DCDC2: variants seen among roughly 807,000 people sequenced by gnomAD.
The protein encoded by DCDC2 is doublecortin domain containing 2, also known as doublecortin domain-containing protein 2.
A neutral mutation model predicts 50.2 loss-of-function variants in DCDC2; 40 were observed. That is an observed-to-expected ratio of 0.80 (90% CI 0.62 to 1.04). DCDC2 has a LOEUF of 1.04. Ranked by LOEUF, DCDC2 falls within the 50% of genes least tolerant of loss-of-function variation. The pLI, the probability that DCDC2 is intolerant of heterozygous loss-of-function variation, is 0.00. For synonymous variants in DCDC2, 234 were observed against 210.6 expected (o/e 1.11, Z -0.96); for missense variants, 570 against 581.9 (o/e 0.98, Z 0.21).
At chr6:24,270,046 T>G (rs1763206012) in intron 7 of DCDC2, among the ~76,000 whole-genome samples, 1 of 152,034 alleles carries the variant, frequency 6.6e-6, no homozygotes, top group South Asian at 2.1e-4. Flanking sequence ...CCAGCTAAGC[T>G]TCAGGGTCTG....
At chr6:24,188,678 T>C (rs1485981120) in intron 8 of DCDC2, among the ~76,000 whole-genome samples, 1 of 152,174 alleles carries the variant, frequency 6.6e-6, no homozygotes, top group African/African-American at 2.4e-5. Flanking sequence ...AAGGAGTACA[T>C]ACATCTTGAA....
At chr6:24,229,094 T>C (rs1299012812) in intron 7 of DCDC2, among the ~76,000 whole-genome samples, 2 of 152,234 alleles carry the variant, frequency 1.3e-5, no homozygotes, top group African/African-American at 2.4e-5. Context: ...GCTACTGTTA[T>C]AAGTTACCAC....
intron 8 of DCDC2, among the ~76,000 whole-genome samples, chr6:24,196,354 C>T (rs1761439544): frequency 6.6e-6 from 1 of 152,070 alleles, no homozygotes; most frequent in African/African-American, 2.4e-5. Flanking sequence ...CTCATGAGCT[C>T]ACTTCCTTTG....
At chr6:24,288,659 T>C (rs1763670618) in intron 6 of DCDC2, among the ~76,000 whole-genome samples, 193 bp downstream of exon 6, 1 of 152,166 alleles carries the variant, frequency 6.6e-6, no homozygotes, top group Non-Finnish European at 1.5e-5. Context: ...TTAAAATACA[T>C]ATTCTAAAAA....
intron 7 of DCDC2, among the ~76,000 whole-genome samples, chr6:24,238,968 T>C (rs1762509768): frequency 6.6e-6 from 1 of 152,212 alleles, no homozygotes; most frequent in Non-Finnish European, 1.5e-5. Context: ...AAAAGCTTTG[T>C]TGTACAATTC....
At chr6:24,374,696 C>T in the DCDC2 span, among the ~76,000 whole-genome samples, 1 of 151,636 alleles carries the variant, frequency 6.6e-6, no homozygotes, top group South Asian at 2.1e-4. Context: ...TAAAAGCAGT[C>T]CTAGTGAGAG....
intron 7 of DCDC2, among the ~76,000 whole-genome samples, chr6:24,231,484 A>G (rs1762335137): frequency 6.6e-6 from 1 of 152,178 alleles, no homozygotes; most frequent in Non-Finnish European, 1.5e-5. Context: ...TTTTAAAAGG[A>G]TATACACCTG....
upstream of DCDC2, among the ~76,000 whole-genome samples, chr6:24,359,272 TTTA>T (rs1324696899): frequency 2.6e-5 from 1 of 38,332 alleles, no homozygotes; most frequent in Non-Finnish European, 4.0e-5. Flanking sequence ...TATTTTATAT[TTTA>T]TATATATTAT....
intron 8 of DCDC2, among the ~76,000 whole-genome samples, chr6:24,200,697 AG>A (rs779074422): frequency 2.0e-5 from 3 of 152,158 alleles, no homozygotes; most frequent in Non-Finnish European, 4.4e-5. Flanking sequence ...TAAAAGACAC[AG>A]ACTGCCAATT....
chr6:24,242,368 A>G (rs1450207974), intron 7 of DCDC2, among the ~76,000 whole-genome samples: 1 of 151,408 alleles, frequency 6.6e-6, no homozygotes, highest in African/African-American at 2.4e-5. Context: ...CCAGCCCTCC[A>G]CTCACCACGC....
upstream of DCDC2, among the ~76,000 whole-genome samples, chr6:24,359,488 AATATATTATATATATT>A (rs1315890957): frequency 3.4e-4 from 27 of 79,144 alleles, no homozygotes; most frequent in Non-Finnish European, 4.0e-4. Context: ...TTTTATATAT[AATATATTATATATATT>A]TTATATATTA....
chr6:24,173,397 C>T lies in DCDC2; in HGVS notation c.*1333G>A, dbSNP rs1760830365. On this transcript the variant is annotated 3_prime_UTR_variant, in exon 10 of 10. Coordinates refer to ENST00000378454, the MANE Select transcript of DCDC2 (RefSeq NM_016356.5). ...TGTAATTGTGAATTTTAGAAAAGCA[C>T]TAGAAGTTAAAATTTCAAGCTTACA... 6.6e-6 allele frequency: 1 copy of T among 151,920 alleles called. No individual in the cohort carries two copies. Among genetic ancestry groups the T allele is most frequent in the African/African-American group, 2.4e-5 (1 of 41,366 alleles). 9.4% of individuals were successfully genotyped at this position (151,920 alleles called of 1,614,324 possible).
At chr6:24,286,268 G>C (rs952820142) in intron 6 of DCDC2, among the ~76,000 whole-genome samples, 1 of 152,100 alleles carries the variant, frequency 6.6e-6, no homozygotes, top group Non-Finnish European at 1.5e-5. Flanking sequence ...TACGTCTGCT[G>C]TTCAACTAGG....
chr6:24,362,582 T>C (rs1760688159), upstream of DCDC2, among the ~76,000 whole-genome samples: 1 of 151,996 alleles, frequency 6.6e-6, no homozygotes, highest in Admixed American at 6.6e-5. Flanking sequence ...TTTTTAACAA[T>C]GCCCATGTTT....
chr6:24,307,221 TC>T (rs1561768521), intron 2 of DCDC2, among the ~76,000 whole-genome samples: 1 of 152,118 alleles, frequency 6.6e-6, no homozygotes, highest in African/African-American at 2.4e-5. Flanking sequence ...ACTCACCACG[TC>T]TTGAAAACCT....
chr6:24,328,918 A>G (rs1006082132), intron 2 of DCDC2, among the ~76,000 whole-genome samples: 9 of 152,202 alleles, frequency 5.9e-5, no homozygotes, highest in Non-Finnish European at 1.0e-4. Flanking sequence ...GATACATGAT[A>G]GATATTTACT....
At chr6:24,253,131 G>A (rs1762825626) in intron 7 of DCDC2, among the ~76,000 whole-genome samples, 1 of 151,846 alleles carries the variant, frequency 6.6e-6, no homozygotes, top group East Asian at 1.9e-4. Flanking sequence ...CCAGAAGATA[G>A]AAAAAGAGTA....
chr6:24,204,542 T>G (rs1042997829), intron 8 of DCDC2, among the ~76,000 whole-genome samples: 4 of 152,052 alleles, frequency 2.6e-5, no homozygotes, highest in Non-Finnish European at 4.4e-5. Context: ...ATGTAAATGA[T>G]GGGTTGATGA....
rs905011345 is a variant in DCDC2, at chr6:24,214,323, G to C, written c.923-9221C>G. ...TAGCAAAATATTCTAAGTGTAGACA[G>C]AAAACAAAAGTAGGATTATTATCAT... is the stretch of plus-strand genomic sequence containing the variant. On this transcript the variant is annotated intron_variant, in intron 7 of 9. Coordinates refer to ENST00000378454, the MANE Select transcript of DCDC2 (RefSeq NM_016356.5). 5.3e-5 allele frequency among the ~76,000 whole-genome samples: 8 copies of C among 152,090 alleles called. 1 individual carries two copies. The highest frequency in any genetic ancestry group is 1.9e-4 in the African/African-American group (8 of 41,438).
Sources: allele counts gnomAD v4.1 joint callset (sites outside exome capture counted in the v4.1 genomes callset), GRCh38; gene constraint gnomAD v4.1.1; transcripts MANE v1.5; gene names NCBI Gene and HGNC (gene_info 2026-07-23, HGNC 2026-07-21).